The following NRXN3 variants were observed in gnomAD, a reference collection of about 807,000 sequenced individuals.
The protein encoded by NRXN3 is neurexin 3.
In NRXN3, 32 loss-of-function variants were observed where a neutral mutation model predicts 137.6. The observed-to-expected ratio is 0.23, with a 90% CI of 0.18 to 0.31. The LOEUF is 0.31. NRXN3 is among the 10% of genes least tolerant of loss of function. NRXN3 has a pLI of 1.00. For synonymous variants in NRXN3, 798 were observed against 784.5 expected (o/e 1.02, Z -0.29); for missense variants, 1,574 against 2,062.5 (o/e 0.76, Z 4.59).
At chr14:78,667,743 C>T (rs559828550) in intron 6 of NRXN3, among the ~76,000 whole-genome samples, 2 of 152,228 alleles carry the variant, frequency 1.3e-5, no homozygotes, top group South Asian at 4.2e-4. Flanking sequence ...AGTGATTTCA[C>T]ATTTTTAAAA....
intron 16 of NRXN3, among the ~76,000 whole-genome samples, chr14:79,560,759 T>C (rs1602116218): frequency 1.3e-5 from 2 of 152,180 alleles, no homozygotes; most frequent in East Asian, 3.9e-4. Context: ...CAGGCTGGTC[T>C]TGAACCCCTG....
intron 15 of NRXN3, among the ~76,000 whole-genome samples, chr14:79,306,840 T>C (rs2086159743): frequency 6.6e-6 from 1 of 152,136 alleles, no homozygotes; most frequent in South Asian, 2.1e-4. Context: ...GAGCCAGGCC[T>C]CACCACATGG....
chr14:78,991,314 G>A (rs1420552155), intron 15 of NRXN3, among the ~76,000 whole-genome samples: 3 of 152,192 alleles, frequency 2.0e-5, no homozygotes, highest in Non-Finnish European at 2.9e-5. Context: ...ATTAAAAGTC[G>A]AGTGCCATCA....
At chr14:79,003,620 C>T (rs1310654702) in intron 15 of NRXN3, among the ~76,000 whole-genome samples, 1 of 152,032 alleles carries the variant, frequency 6.6e-6, no homozygotes, top group African/African-American at 2.4e-5. Context: ...CAGAAGAAAC[C>T]AGGGAACTAT....
In NRXN3 at chr14:79,655,119, G is replaced by T. The variant is rs140883112; in HGVS notation, c.3445-8659G>T. Among the ~76,000 whole-genome samples the T allele has an allele frequency of 3.1e-4, 47 of 152,306 alleles. No individual in the cohort carries two copies. The East Asian group carries it at 8.3e-3, about 27-fold the overall frequency. Reference sequence around the variant, plus strand: ...CTTGGAAACTGACTAAAATGACCTAGTCTGTAGTAAAGTAACTAATTTAGA... The same window carrying T: ...CTTGGAAACTGACTAAAATGACCTATTCTGTAGTAAAGTAACTAATTTAGA... On this transcript the variant is annotated intron_variant, in intron 16 of 20. Coordinates refer to ENST00000335750, the MANE Select transcript of NRXN3 (RefSeq NM_001330195.2).
intron 15 of NRXN3, among the ~76,000 whole-genome samples, chr14:78,997,289 A>G (rs1166266077): frequency 6.6e-6 from 1 of 151,488 alleles, no homozygotes; most frequent in Admixed American, 6.5e-5. Context: ...TGTGGCCTCA[A>G]TAATTTCATT....
At chr14:78,632,687 C>A (rs553040667) in intron 4 of NRXN3, among the ~76,000 whole-genome samples, 34 of 152,188 alleles carry the variant, frequency 2.2e-4, no homozygotes, top group African/African-American at 7.9e-4. Context: ...AAGAAATATA[C>A]AAAGTATCCT....
At chr14:78,835,346 G>A (rs973987094) in intron 10 of NRXN3, among the ~76,000 whole-genome samples, 1 of 152,190 alleles carries the variant, frequency 6.6e-6, no homozygotes, top group Admixed American at 6.5e-5. Context: ...AGTTGGTGGT[G>A]GCTGGTGGCG....
intron 16 of NRXN3, among the ~76,000 whole-genome samples, chr14:79,550,725 G>C (rs183915427): frequency 6.6e-6 from 1 of 152,078 alleles, no homozygotes; most frequent in Admixed American, 6.6e-5. Context: ...GAATCACCTG[G>C]ACAGGGGCAC....
chr14:78,585,149 G>T (rs1055650013), intron 4 of NRXN3, among the ~76,000 whole-genome samples: 2 of 145,630 alleles, frequency 1.4e-5, no homozygotes, highest in South Asian at 2.3e-4. Context: ...AGGGGGGGGG[G>T]TGATTAATTT....
chr14:79,658,589 C>G (rs1364920293), intron 16 of NRXN3, among the ~76,000 whole-genome samples: 1 of 152,132 alleles, frequency 6.6e-6, no homozygotes, highest in Non-Finnish European at 1.5e-5. Flanking sequence ...CAACGAGACC[C>G]AAAAGTCCTC....
chr14:79,535,216 A>G lies in NRXN3; in HGVS notation c.3444+67814A>G, dbSNP rs1262585327. ...AAAGAATTATGAAATAAAACAAAGC[A>G]AAGAAATTGTGTAAACAAATTAATT... On this transcript the variant is annotated intron_variant, in intron 16 of 20. Coordinates refer to ENST00000335750, the MANE Select transcript of NRXN3 (RefSeq NM_001330195.2). Among the ~76,000 whole-genome samples the G allele has an allele frequency of 2.6e-5, 4 of 152,340 alleles. No individual in the cohort carries two copies. In the East Asian group the frequency reaches 7.7e-4, roughly 29 times the overall value.
intron 2 of NRXN3, among the ~76,000 whole-genome samples, chr14:78,261,200 C>A (rs985609240): frequency 3.3e-5 from 5 of 152,176 alleles, no homozygotes; most frequent in African/African-American, 4.8e-5. Context: ...AGTGACTGAA[C>A]CTTGTCCTCG....
intron 4 of NRXN3, among the ~76,000 whole-genome samples, chr14:78,389,515 G>A (rs945354815): frequency 1.3e-5 from 2 of 152,138 alleles, no homozygotes; most frequent in Admixed American, 6.5e-5. Context: ...CATTTATAAT[G>A]TGAACTTATT....
intron 15 of NRXN3, among the ~76,000 whole-genome samples, chr14:79,350,496 G>A (rs1382620178): frequency 6.6e-6 from 1 of 152,128 alleles, no homozygotes; most frequent in East Asian, 1.9e-4. Flanking sequence ...TGATTTATCA[G>A]GCTTATCATT....
chr14:78,515,313 C>A (rs1422066663), intron 4 of NRXN3, among the ~76,000 whole-genome samples: 1 of 152,110 alleles, frequency 6.6e-6, no homozygotes, highest in Non-Finnish European at 1.5e-5. Context: ...TCCCTATGCT[C>A]TTTACATAGT....
chr14:79,568,103 T>C (rs947255276), intron 16 of NRXN3, among the ~76,000 whole-genome samples: 20 of 152,162 alleles, frequency 1.3e-4, no homozygotes, highest in Non-Finnish European at 2.8e-4. Context: ...TCAAAAATTC[T>C]TATTCACCGC....
intron 15 of NRXN3, among the ~76,000 whole-genome samples, chr14:79,437,322 A>C (rs2095860606): frequency 6.6e-6 from 1 of 151,934 alleles, no homozygotes. Flanking sequence ...TCAGAAACCT[A>C]ATTTTCATTG....
intron 4 of NRXN3, among the ~76,000 whole-genome samples, chr14:78,644,356 C>T (rs187567245): frequency 8.8e-4 from 134 of 152,166 alleles, no homozygotes; most frequent in Middle Eastern, 3.4e-3. Flanking sequence ...AAGGATAGTT[C>T]TGTGGGGAAG....
Sources: gnomAD v4.1 joint callset for allele counts (sites outside exome capture counted in the v4.1 genomes callset) on GRCh38, gnomAD v4.1.1 for gene constraint, MANE v1.5 for transcripts, NCBI Gene and HGNC (gene_info 2026-07-23, HGNC 2026-07-21) for gene names.